The following SGPP2 variants were observed in gnomAD, a reference collection of about 807,000 sequenced individuals.
The protein encoded by SGPP2 is sphingosine 1-phosphate phosphohydrolase 2.
Under a neutral mutation model 33.9 loss-of-function variants are expected in SGPP2, and 30 were observed. That is an observed-to-expected ratio of 0.89 (90% CI 0.66 to 1.20). The LOEUF is 1.20. Ranked by LOEUF, SGPP2 falls within the 50% of genes most tolerant of loss-of-function variation. The pLI is 0.00. For synonymous variants in SGPP2, 233 were observed against 225.0 expected, an observed-to-expected ratio of 1.04 and a Z score of -0.32; for missense variants, 458 against 532.1, an observed-to-expected ratio of 0.86 and a Z score of 1.37.
intron 4 of SGPP2, among the ~76,000 whole-genome samples, chr2:222,558,135 C>G (rs77643803): frequency 6.6e-6 from 1 of 152,098 alleles, no homozygotes; most frequent in Non-Finnish European, 1.5e-5. Flanking sequence ...AAAGAAGATA[C>G]GTAACATGAG....
chr2:222,434,969 GAT>G (rs148792824), intron 1 of SGPP2, among the ~76,000 whole-genome samples: 1 of 19,238 alleles, frequency 5.2e-5, no homozygotes, highest in African/African-American at 1.9e-4. Flanking sequence ...ACAGAATGGA[GAT>G]ATATACACAC....
rs1316682913 is a variant in SGPP2 at position 222,558,894 on chromosome 2, CCT to C, written c.1197_1198del (p.Ter400SerfsTer17). 1 of 1,602,396 alleles carries C rather than the reference CCT, an allele frequency of 6.2e-7. No individual in the cohort carries two copies. The highest frequency in any genetic ancestry group is 1.1e-5 in the South Asian group (1 of 90,866). ...ATGCTTCACAGGTTTCTGGGATTAC[CCT>C]GAGTCTCAAACAGTTGGAAACTAGC... On this transcript the variant is annotated frameshift_variant and stop_lost, in exon 5 of 5. Coordinates refer to ENST00000321276, the MANE Select transcript of SGPP2 (RefSeq NM_152386.4). LOFTEE classifies it high-confidence loss of function.
intron 2 of SGPP2, among the ~76,000 whole-genome samples, chr2:222,500,333 G>C (rs1036020059): frequency 6.6e-6 from 1 of 152,078 alleles, no homozygotes; most frequent in Non-Finnish European, 1.5e-5. Flanking sequence ...TGGATGTCTC[G>C]TTTTCAGTTT....
At chr2:222,481,942 A>G (rs1351008144) in intron 2 of SGPP2, among the ~76,000 whole-genome samples, 1 of 152,204 alleles carries the variant, frequency 6.6e-6, no homozygotes, top group Non-Finnish European at 1.5e-5. Context: ...CTGAACTGTT[A>G]TTATGGCTTT....
chr2:222,511,098 T>C (rs1202210043), intron 2 of SGPP2, among the ~76,000 whole-genome samples: 1 of 152,228 alleles, frequency 6.6e-6, no homozygotes, highest in Non-Finnish European at 1.5e-5. Flanking sequence ...TGTCATTTTT[T>C]ACTGTAATAA....
At chr2:222,515,665 C>T (rs528609293) in intron 2 of SGPP2, among the ~76,000 whole-genome samples, 5 of 152,074 alleles carry the variant, frequency 3.3e-5, no homozygotes, top group South Asian at 2.1e-4. Context: ...GTATAATTCA[C>T]GTACTATACA....
intron 4 of SGPP2, among the ~76,000 whole-genome samples, chr2:222,527,624 G>A (rs934766720): frequency 1.6e-4 from 25 of 152,292 alleles, no homozygotes; most frequent in South Asian, 8.3e-4. Context: ...GAAGAAGCTG[G>A]AGCAAGAGGC....
At position 222,479,817 on chromosome 2, in the gene SGPP2, A is replaced by C. The variant is rs997330630; in HGVS notation, c.378+5091A>C. ...GGTCATCGCTAAGGTCTGATTTTTC[A>C]CACACAAAAATTTGCAACCTCCAGC... On this transcript the variant is annotated intron_variant, in intron 2 of 4. Transcript: ENST00000321276. Among the ~76,000 whole-genome samples the C allele has an allele frequency of 5.3e-5, 7 of 132,958 alleles. No individual in the cohort carries two copies. In the East Asian group the frequency reaches 1.4e-3, roughly 27 times the overall value. The allele number at this position is 132,958 out of a possible 152,430, so 87.2% of individuals were successfully genotyped here.
chr2:222,466,253 C>A (rs567136071), intron 1 of SGPP2, among the ~76,000 whole-genome samples: 5 of 104,706 alleles, frequency 4.8e-5, no homozygotes, highest in Non-Finnish European at 7.4e-5. Flanking sequence ...CTGTTTTCAA[C>A]TTTTTTTTTT....
intron 2 of SGPP2, among the ~76,000 whole-genome samples, chr2:222,510,533 G>A (rs1051691579): frequency 6.6e-6 from 1 of 152,190 alleles, no homozygotes; most frequent in South Asian, 2.1e-4. Context: ...GCTCCTGTTA[G>A]TTAACAGCAC....
intron 2 of SGPP2, among the ~76,000 whole-genome samples, chr2:222,501,061 T>TA (rs1026186103): frequency 6.6e-6 from 1 of 152,212 alleles, no homozygotes; most frequent in Non-Finnish European, 1.5e-5. Context: ...TGGTCTTTTT[T>TA]AAAGAGAACC....
chr2:222,511,644 C>T (rs1698531307), intron 2 of SGPP2, among the ~76,000 whole-genome samples: 1 of 152,208 alleles, frequency 6.6e-6, no homozygotes, highest in African/African-American at 2.4e-5. Context: ...TCGTTATACT[C>T]TTTAACTGAT....
intron 4 of SGPP2, among the ~76,000 whole-genome samples, chr2:222,537,472 A>C (rs969459023): frequency 6.6e-6 from 1 of 152,230 alleles, no homozygotes; most frequent in Non-Finnish European, 1.5e-5. Flanking sequence ...ACAATTCCAC[A>C]TGTATGTATA....
At chr2:222,506,295 A>G (rs1182361661) in intron 2 of SGPP2, among the ~76,000 whole-genome samples, 1 of 152,248 alleles carries the variant, frequency 6.6e-6, no homozygotes, top group Non-Finnish European at 1.5e-5. Context: ...TAAACTTTGA[A>G]TAACACTGTG....
chr2:222,462,209 G>C (rs1218142430), intron 1 of SGPP2, among the ~76,000 whole-genome samples: 1 of 152,026 alleles, frequency 6.6e-6, no homozygotes, highest in Non-Finnish European at 1.5e-5. Context: ...CGGGGAACAT[G>C]GTCAACACAT....
chr2:222,516,854 G>T (rs976023673), intron 2 of SGPP2, among the ~76,000 whole-genome samples: 1 of 152,164 alleles, frequency 6.6e-6, no homozygotes, highest in Non-Finnish European at 1.5e-5. Flanking sequence ...CACTTTCTAC[G>T]TGCCAGGTAC....
intron 1 of SGPP2, among the ~76,000 whole-genome samples, chr2:222,428,757 C>T (rs1038343366): frequency 6.7e-6 from 1 of 148,386 alleles, no homozygotes; most frequent in African/African-American, 2.5e-5. Flanking sequence ...GCAGAATGAG[C>T]AGAGTGGGGG....
chr2:222,474,783 G>A (rs1344678059), intron 2 of SGPP2, 57 bp downstream of exon 2: 3 of 1,336,480 alleles, frequency 2.2e-6, no homozygotes, highest in Admixed American at 2.1e-5. Context: ...TACTTCCTTT[G>A]ATACTCAAGT....
intron 1 of SGPP2, among the ~76,000 whole-genome samples, chr2:222,430,108 A>G (rs1421164876): frequency 6.6e-6 from 1 of 152,110 alleles, no homozygotes; most frequent in Admixed American, 6.6e-5. Flanking sequence ...ATACTAGAAT[A>G]GAACGATGAA....
Sources: gnomAD v4.1 joint callset for allele counts (sites outside exome capture counted in the v4.1 genomes callset) on GRCh38, gnomAD v4.1.1 for gene constraint, MANE v1.5 for transcripts, NCBI Gene and HGNC (gene_info 2026-07-23, HGNC 2026-07-21) for gene names.